PREX2: variants seen among roughly 807,000 people sequenced by gnomAD.
The protein encoded by PREX2 is phosphatidylinositol 3,4,5-trisphosphate-dependent Rac exchanger 2 protein.
A neutral mutation model predicts 203.2 loss-of-function variants in PREX2; 107 were observed. The ratio of observed to expected loss-of-function variants is 0.53; its 90% CI spans 0.45 to 0.62. The LOEUF (loss-of-function observed/expected upper bound fraction) is 0.62. Ranked by LOEUF, PREX2 falls within the 20% of genes least tolerant of loss-of-function variation. PREX2 has a pLI of 0.00. For missense variants in PREX2, 1,777 were observed against 1,955.9 expected, an observed-to-expected ratio of 0.91 and a Z score of 1.72; for synonymous variants, 672 against 663.6, an observed-to-expected ratio of 1.01 and a Z score of -0.19.
intron 37 of PREX2, among the ~76,000 whole-genome samples, chr8:68,215,936 A>G (rs1007192751): frequency 2.6e-5 from 4 of 152,324 alleles, no homozygotes; most frequent in Admixed American, 2.0e-4. Context: ...GACAATATGC[A>G]TTGTTATCGG....
intron 1 of PREX2, among the ~76,000 whole-genome samples, chr8:67,979,954 T>TA (rs1585673633): frequency 6.6e-6 from 1 of 152,294 alleles, no homozygotes; most frequent in Non-Finnish European, 1.5e-5. Flanking sequence ...GACAGACACT[T>TA]ACAATATGCC....
chr8:67,992,798 G>T (rs924358985), intron 1 of PREX2, among the ~76,000 whole-genome samples: 14 of 152,138 alleles, frequency 9.2e-5, no homozygotes, highest in African/African-American at 2.7e-4. Flanking sequence ...AACATAATGG[G>T]AACTGTCTTC....
At chr8:68,099,961 G>T (rs1673553898) in intron 23 of PREX2, 118 bp downstream of exon 23, 1 of 939,322 alleles carries the variant, frequency 1.1e-6, no homozygotes, top group Non-Finnish European at 1.7e-6. Context: ...TTACTGAGAT[G>T]ATAACATTAT....
chr8:67,965,595 C>T (rs1457917904), intron 1 of PREX2, among the ~76,000 whole-genome samples: 1 of 151,880 alleles, frequency 6.6e-6, no homozygotes, highest in African/African-American at 2.4e-5. Context: ...AGTGGATGTT[C>T]TATTGATTGC....
At chr8:68,123,350 A>G (rs1293346304) in intron 30 of PREX2, among the ~76,000 whole-genome samples, 1 of 152,098 alleles carries the variant, frequency 6.6e-6, no homozygotes, top group African/African-American at 2.4e-5. Context: ...GAGAAAATCA[A>G]ACCCAAAGGT....
intron 1 of PREX2, among the ~76,000 whole-genome samples, chr8:67,960,051 A>T (rs1805591653): frequency 6.6e-6 from 1 of 151,346 alleles, no homozygotes; most frequent in Non-Finnish European, 1.5e-5. Context: ...TAATTAATTA[A>T]TTAATTAATT....
chr8:67,964,382 T>C (rs554862475), intron 1 of PREX2, among the ~76,000 whole-genome samples: 2 of 152,314 alleles, frequency 1.3e-5, no homozygotes, highest in African/African-American at 4.8e-5. Context: ...TGGGAATAAA[T>C]ATTGAGGGGC....
chr8:68,106,291 G>C (rs772616763), intron 23 of PREX2: 1 of 507,562 alleles, frequency 2.0e-6, no homozygotes, highest in African/African-American at 1.9e-5. Flanking sequence ...ACTTTTGACT[G>C]AAAGTTTTTT....
rs543502723 is a variant in PREX2, at chr8:68,091,673, T to C, written c.2250+958T>C. On this transcript the variant is annotated intron_variant, in intron 20 of 39. Coordinates refer to ENST00000288368, the MANE Select transcript of PREX2 (RefSeq NM_024870.4). ...TAGGCTCATAGGTTACTCTGGTTGA[T>C]AGAAGCTTGATAAATATTTGTTGAA... Among the ~76,000 whole-genome samples the C allele has an allele frequency of 2.6e-5, 4 of 152,356 alleles. No homozygotes were observed. In the East Asian group the frequency reaches 5.8e-4, roughly 22 times the overall value.
intron 1 of PREX2, among the ~76,000 whole-genome samples, chr8:67,979,434 T>C (rs1426742157): frequency 6.6e-6 from 1 of 152,182 alleles, no homozygotes; most frequent in Admixed American, 6.5e-5. Flanking sequence ...ATGAAAAAAC[T>C]GTTCCAAATA....
intron 25 of PREX2, among the ~76,000 whole-genome samples, chr8:68,113,984 C>T (rs1454568106): frequency 6.6e-6 from 1 of 152,130 alleles, no homozygotes; most frequent in Non-Finnish European, 1.5e-5. Flanking sequence ...GCCTCAGTCT[C>T]CTGAGTAGCT....
At chr8:67,981,002 TA>T (rs1806252873) in intron 1 of PREX2, among the ~76,000 whole-genome samples, 1 of 152,202 alleles carries the variant, frequency 6.6e-6, no homozygotes, top group South Asian at 2.1e-4. Flanking sequence ...GTAAGTAATC[TA>T]GGGGGCAATT....
At chr8:68,229,064 G>A (rs1348425777) in intron 39 of PREX2, among the ~76,000 whole-genome samples, 1 of 151,936 alleles carries the variant, frequency 6.6e-6, no homozygotes, top group African/African-American at 2.4e-5. Flanking sequence ...AATTGCCTTG[G>A]GACAGAGTAT....
chr8:68,143,587 G>A (rs181485965), intron 33 of PREX2, among the ~76,000 whole-genome samples: 20 of 152,138 alleles, frequency 1.3e-4, no homozygotes, highest in African/African-American at 4.8e-4. Context: ...TGTGTATTTT[G>A]GAAGACAGTT....
rs779206847 is a variant in PREX2 at position 68,109,464 on chromosome 8, C to T, written c.2987C>T (p.Ala996Val). 1.1e-5 allele frequency: 17 copies of T among 1,613,944 alleles called. No individual in the cohort carries two copies. Among genetic ancestry groups the T allele is most frequent in the Middle Eastern group, 1.7e-4 (1 of 6,054 alleles). ...VYIQHTITTMAAPSGLSLGQQ... is the reference protein window; with the variant it reads ...VYIQHTITTMVAPSGLSLGQQ... ...ATTCAGCACACCATCACAACCATGG[C>T]GGCCCCTTCAGGTCTGTCTCTGGGA... The change falls in exon 25 of 40, where the codon GCG becomes GTG. Residue 996 changes from alanine to valine, a missense_variant. Transcript: ENST00000288368.
intron 35 of PREX2, among the ~76,000 whole-genome samples, chr8:68,186,067 G>A (rs1812182969): frequency 8.1e-6 from 1 of 122,834 alleles, no homozygotes; most frequent in African/African-American, 3.3e-5. Flanking sequence ...TCCACAGTTT[G>A]TCAAATTCTG....
chr8:67,991,424 T>C (rs1394674664), intron 1 of PREX2, among the ~76,000 whole-genome samples: 1 of 152,160 alleles, frequency 6.6e-6, no homozygotes, highest in Non-Finnish European at 1.5e-5. Context: ...AGAGGTTTAA[T>C]TGACTCACAG....
chr8:68,230,417 T>C (rs574975092), intron 39 of PREX2, among the ~76,000 whole-genome samples: 13 of 152,336 alleles, frequency 8.5e-5, no homozygotes, highest in African/African-American at 3.1e-4. Flanking sequence ...AGTGTGGCCA[T>C]GGGTGCTGTT....
intron 1 of PREX2, among the ~76,000 whole-genome samples, chr8:67,980,982 A>T (rs150186424): frequency 6.6e-6 from 1 of 152,348 alleles, no homozygotes; most frequent in African/African-American, 2.4e-5. Flanking sequence ...TGTCCATTCA[A>T]CAACCTGGTG....
Sources: gnomAD v4.1 joint callset for allele counts (sites outside exome capture counted in the v4.1 genomes callset) on GRCh38, gnomAD v4.1.1 for gene constraint, MANE v1.5 for transcripts, NCBI Gene and HGNC (gene_info 2026-07-23, HGNC 2026-07-21) for gene names.